Variants in GPC6 observed in about 807,000 individuals in gnomAD.
The protein encoded by GPC6 is glypican-6.
Under a neutral mutation model 55.2 loss-of-function variants are expected in GPC6, and 14 were observed. That is an observed-to-expected ratio of 0.25 (90% CI 0.17 to 0.40). The LOEUF is 0.40. Ranked by LOEUF, GPC6 falls within the 10% of genes least tolerant of loss-of-function variation. The pLI is 1.00. For missense variants in GPC6, 641 were observed against 708.5 expected, an observed-to-expected ratio of 0.90 and a Z score of 1.08; for synonymous variants, 278 against 259.6, an observed-to-expected ratio of 1.07 and a Z score of -0.68.
At chr13:94,192,839 T>C (rs1017575603) in intron 4 of GPC6, among the ~76,000 whole-genome samples, 3 of 152,158 alleles carry the variant, frequency 2.0e-5, no homozygotes, top group African/African-American at 7.2e-5. Flanking sequence ...TGAGCCCCAA[T>C]TTGGTGGTAC....
chr13:93,249,158 G>C (rs944856556), intron 1 of GPC6, among the ~76,000 whole-genome samples: 1 of 152,166 alleles, frequency 6.6e-6, no homozygotes, highest in African/African-American at 2.4e-5. Context: ...TTACTGAGCT[G>C]TCTGTCCTAT....
At chr13:94,343,687 AGG>A (rs1272974587) in intron 6 of GPC6, among the ~76,000 whole-genome samples, 1 of 152,204 alleles carries the variant, frequency 6.6e-6, no homozygotes, top group Non-Finnish European at 1.5e-5. Flanking sequence ...TTGAAGAATA[AGG>A]GAATGAATCA....
At chr13:93,799,463 C>G (rs1254844621) in intron 2 of GPC6, among the ~76,000 whole-genome samples, 1 of 152,080 alleles carries the variant, frequency 6.6e-6, no homozygotes, top group Admixed American at 6.6e-5. Context: ...TACTTCTGTT[C>G]TGAGGTATAT....
intron 1 of GPC6, among the ~76,000 whole-genome samples, chr13:93,453,019 T>G (rs1050301901): frequency 6.6e-6 from 1 of 152,242 alleles, no homozygotes; most frequent in Non-Finnish European, 1.5e-5. Context: ...ACCCTACTTG[T>G]GTTTTGAGAC....
At position 94,354,344 on chromosome 13, in the gene GPC6, G is replaced by T. The variant is rs190074151; in HGVS notation, c.1153-28070G>T. Among the ~76,000 whole-genome samples, 48 of 139,150 alleles carry T rather than the reference G, an allele frequency of 3.4e-4. 1 individual carries two copies. Among genetic ancestry groups the T allele is most frequent in the African/African-American group, 9.2e-4 (32 of 34,760 alleles). 91.3% of individuals were successfully genotyped at this position (139,150 alleles called of 152,430 possible). On this transcript the variant is annotated intron_variant, in intron 6 of 8. Coordinates refer to ENST00000377047, the MANE Select transcript of GPC6 (RefSeq NM_005708.5). ...CAACACTCAGCTCACTGTCAAAAAA[G>T]ATACAAAAAAAAAAACAAGATACCA...
chr13:94,396,031 T>C (rs1880882252), intron 7 of GPC6, among the ~76,000 whole-genome samples: 1 of 152,178 alleles, frequency 6.6e-6, no homozygotes, highest in Non-Finnish European at 1.5e-5. Context: ...CCCTCCCTGA[T>C]AGGTCTTGGT....
chr13:93,547,706 G>A (rs1874890666), intron 2 of GPC6, among the ~76,000 whole-genome samples: 1 of 151,262 alleles, frequency 6.6e-6, no homozygotes, highest in African/African-American at 2.4e-5. Context: ...TTTTTTTGGA[G>A]GCTTTCAGCC....
At chr13:93,306,891 C>T (rs1327086271) in intron 1 of GPC6, among the ~76,000 whole-genome samples, 1 of 152,082 alleles carries the variant, frequency 6.6e-6, no homozygotes, top group African/African-American at 2.4e-5. Context: ...CGCATGTCCC[C>T]TAGCAAACTC....
chr13:93,336,047 C>T (rs1033172826), intron 1 of GPC6, among the ~76,000 whole-genome samples: 5 of 152,048 alleles, frequency 3.3e-5, no homozygotes, highest in Admixed American at 1.3e-4. Context: ...TATAGTTATC[C>T]ATCAAAATCT....
intron 5 of GPC6, among the ~76,000 whole-genome samples, chr13:94,288,350 C>G (rs1892587976): frequency 6.6e-6 from 1 of 151,828 alleles, no homozygotes; most frequent in South Asian, 2.1e-4. Flanking sequence ...CTCTGGAACC[C>G]CCTCCAATTT....
At chr13:93,315,505 A>G (rs575389005) in intron 1 of GPC6, among the ~76,000 whole-genome samples, 2 of 152,106 alleles carry the variant, frequency 1.3e-5, no homozygotes, top group African/African-American at 2.4e-5. Context: ...ATGAATAGAT[A>G]AGGCTTTACA....
intron 4 of GPC6, among the ~76,000 whole-genome samples, chr13:94,148,638 T>C (rs1593987569): frequency 6.6e-6 from 1 of 152,302 alleles, no homozygotes. Context: ...ATTTTGACAT[T>C]CTAGTTTAGG....
intron 2 of GPC6, among the ~76,000 whole-genome samples, chr13:93,710,743 G>A (rs1269911808): frequency 2.0e-5 from 3 of 148,990 alleles, no homozygotes; most frequent in African/African-American, 7.5e-5. Context: ...AAATTATAGT[G>A]TAGAATTTTC....
intron 4 of GPC6, among the ~76,000 whole-genome samples, chr13:94,246,999 C>A (rs1466382270): frequency 1.3e-5 from 2 of 151,984 alleles, no homozygotes. Flanking sequence ...CATCGAATAT[C>A]TTTTCATTTA....
intron 4 of GPC6, among the ~76,000 whole-genome samples, chr13:94,042,885 A>G (rs1262038175): frequency 6.6e-6 from 1 of 151,770 alleles, no homozygotes; most frequent in Non-Finnish European, 1.5e-5. Flanking sequence ...TCTTCCCCCG[A>G]AAAAGTGGAT....
chr13:93,364,259 T>A (rs1881157352), intron 1 of GPC6, among the ~76,000 whole-genome samples: 1 of 152,184 alleles, frequency 6.6e-6, no homozygotes, highest in South Asian at 2.1e-4. Flanking sequence ...AAAAAGATTA[T>A]TCTTGGTGGA....
chr13:93,913,467 C>T (rs1322357834), intron 3 of GPC6, among the ~76,000 whole-genome samples: 1 of 152,202 alleles, frequency 6.6e-6, no homozygotes, highest in Admixed American at 6.5e-5. Flanking sequence ...AACAGCTTCA[C>T]TCTCACAATG....
chr13:93,686,860 T>A (rs1414110250), intron 2 of GPC6, among the ~76,000 whole-genome samples: 3 of 152,126 alleles, frequency 2.0e-5, no homozygotes, highest in African/African-American at 4.8e-5. Context: ...TTTTGATGAA[T>A]AGCTCCTCTT....
chr13:93,364,793 T>C (rs930179893), intron 1 of GPC6, among the ~76,000 whole-genome samples: 4 of 151,568 alleles, frequency 2.6e-5, no homozygotes, highest in Non-Finnish European at 5.9e-5. Flanking sequence ...TCTTGCCCAA[T>C]TGGCTAATTG....
Sources: allele counts gnomAD v4.1 joint callset (sites outside exome capture counted in the v4.1 genomes callset), GRCh38; gene constraint gnomAD v4.1.1; transcripts MANE v1.5; gene names NCBI Gene and HGNC (gene_info 2026-07-23, HGNC 2026-07-21).